PTPN11: variants seen among roughly 807,000 people sequenced by gnomAD.
The protein encoded by PTPN11 is tyrosine-protein phosphatase non-receptor type 11.
In PTPN11, 6 loss-of-function variants were observed where a neutral mutation model predicts 78.8. That is an observed-to-expected ratio of 0.08 (90% CI 0.04 to 0.15). The LOEUF (loss-of-function observed/expected upper bound fraction) is 0.15. Ranked by LOEUF, PTPN11 falls within the 10% of genes least tolerant of loss-of-function variation. The pLI is 1.00. For missense variants in PTPN11, 386 were observed against 744.8 expected, an observed-to-expected ratio of 0.52 and a Z score of 5.61; for synonymous variants, 221 against 263.5, an observed-to-expected ratio of 0.84 and a Z score of 1.56.
chr12:112,461,352 T>C (rs960910151), intron 6 of PTPN11, among the ~76,000 whole-genome samples: 2 of 151,350 alleles, frequency 1.3e-5, no homozygotes, highest in African/African-American at 4.9e-5. Flanking sequence ...TTTTTTTTTT[T>C]GAGGTAGGTC....
intron 6 of PTPN11, among the ~76,000 whole-genome samples, chr12:112,458,775 G>A (rs2038202521): frequency 6.6e-6 from 1 of 152,194 alleles, no homozygotes; most frequent in African/African-American, 2.4e-5. Context: ...GGCTACTCCT[G>A]TAATCTCAGC....
chr12:112,454,398 G>T (rs2038122521), intron 4 of PTPN11, among the ~76,000 whole-genome samples, 166 bp from the exon 5 acceptor site: 1 of 152,178 alleles, frequency 6.6e-6, no homozygotes, highest in African/African-American at 2.4e-5. Context: ...GGAATTACTG[G>T]CGTGAGCCAC....
At chr12:112,490,304 CTTTTTTTT>C (rs1258631865) in intron 13 of PTPN11, among the ~76,000 whole-genome samples, 4 of 128,722 alleles carry the variant, frequency 3.1e-5, no homozygotes, top group South Asian at 5.3e-4. Flanking sequence ...TCAGGGATGT[CTTTTTTTT>C]TTTTTTTTTT....
chr12:112,502,330 AC>A, intron 14 of PTPN11, 74 bp downstream of exon 14: 1 of 1,244,436 alleles, frequency 8.0e-7, no homozygotes, highest in Non-Finnish European at 1.2e-6. Flanking sequence ...AAAAACAAAA[AC>A]AAAACACAAG....
intron 9 of PTPN11, among the ~76,000 whole-genome samples, chr12:112,480,294 G>A (rs2038575737): frequency 6.6e-6 from 1 of 151,954 alleles, no homozygotes; most frequent in Non-Finnish European, 1.5e-5. Flanking sequence ...ATCTGTCAGA[G>A]GTGTTTGGAT....
rs190776554 is a variant in PTPN11 at position 112,477,976 on chromosome 12, A to G, written c.1053A>G (p.Arg351=). ...GGATGGTGTTCCAAGAAAACTCCCGAGTGATTGTCATGACAACGAAAGAAG... is the reference window on the plus strand; with the variant it reads ...GGATGGTGTTCCAAGAAAACTCCCGGGTGATTGTCATGACAACGAAAGAAG... ...FWRMVFQENS[R]VIVMTTKEVE... The change falls in exon 9 of 16, where the codon CGA becomes CGG. Residue 351 remains arginine (R), a synonymous_variant. Transcript: ENST00000351677. The G allele has an allele frequency of 6.2e-7, 1 of 1,614,186 alleles. No individual in the cohort carries two copies. Among genetic ancestry groups the G allele is most frequent in the Middle Eastern group, 1.7e-4 (1 of 6,058 alleles).
At chr12:112,463,656 T>G (rs539256919) in intron 6 of PTPN11, among the ~76,000 whole-genome samples, 1 of 152,310 alleles carries the variant, frequency 6.6e-6, no homozygotes, top group African/African-American at 2.4e-5. Flanking sequence ...TTATACATTA[T>G]TAACAACAAA....
At chr12:112,476,741 C>T (rs2038510740) in intron 7 of PTPN11, among the ~76,000 whole-genome samples, 1 of 152,144 alleles carries the variant, frequency 6.6e-6, no homozygotes, top group Admixed American at 6.6e-5. Flanking sequence ...TGCACTCCAA[C>T]CTGGGTGACA....
At chr12:112,454,884 A>C (rs2038132470) in intron 5 of PTPN11, 1 of 606,280 alleles carries the variant, frequency 1.6e-6, no homozygotes. Context: ...CAGTGTTGCA[A>C]TCTTGGCTCA....
chr12:112,473,087 G>A (rs1283717757), intron 7 of PTPN11, 47 bp downstream of exon 7: 11 of 1,441,894 alleles, frequency 7.6e-6, no homozygotes, highest in Non-Finnish European at 1.1e-5. Context: ...TGGAGATTTT[G>A]ATTCCTAGCA....
Position 112,418,999 on chromosome 12 carries a change from C to T in PTPN11, c.-113C>T. On this transcript the variant is annotated 5_prime_UTR_variant, in exon 1 of 16. Coordinates refer to ENST00000351677, the MANE Select transcript of PTPN11 (RefSeq NM_002834.5). ...GGGGTCTGTGCGCGGCCGGCTGGCT[C>T]TGCCCCGCGTCCGGTCCCGAGCGGG... The T allele has an allele frequency of 7.2e-7, 1 of 1,394,162 alleles. No individual in the cohort carries two copies. Among genetic ancestry groups the T allele is most frequent in the South Asian group, 1.2e-5 (1 of 80,060 alleles). The allele number at this position is 1,394,162 out of a possible 1,614,324, so 86.4% of individuals were successfully genotyped here. A position where few individuals can be genotyped will look rare whatever the true frequency, so the allele number is the denominator to read the frequency against.
intron 6 of PTPN11, among the ~76,000 whole-genome samples, chr12:112,462,204 T>C (rs1425432017): frequency 6.6e-6 from 1 of 151,972 alleles, no homozygotes; most frequent in Admixed American, 6.6e-5. Context: ...CAAAAGAAAA[T>C]TAAAAATTAA....
At chr12:112,456,201 G>C (rs1296751693) in intron 6 of PTPN11, 138 bp downstream of exon 6, 3 of 699,150 alleles carry the variant, frequency 4.3e-6, no homozygotes, top group Middle Eastern at 5.1e-4. Flanking sequence ...TGATTGACAC[G>C]GAGCAAGTTG....
At chr12:112,470,343 G>A (rs776924012) in intron 6 of PTPN11, among the ~76,000 whole-genome samples, 7 of 152,164 alleles carry the variant, frequency 4.6e-5, no homozygotes, top group Admixed American at 1.3e-4. Flanking sequence ...TGTATGTCAC[G>A]CACTGTATAG....
intron 13 of PTPN11, among the ~76,000 whole-genome samples, chr12:112,499,634 C>G (rs900380024): frequency 6.6e-6 from 1 of 151,912 alleles, no homozygotes; most frequent in Non-Finnish European, 1.5e-5. Context: ...CCACAGTGCC[C>G]GGCGGGATAA....
At chr12:112,423,925 A>G (rs922511522) in intron 1 of PTPN11, among the ~76,000 whole-genome samples, 4 of 149,908 alleles carry the variant, frequency 2.7e-5, no homozygotes, top group South Asian at 2.1e-4. Context: ...CAATTTTTCT[A>G]TTTTTTTGTA....
At chr12:112,475,410 T>TATTG (rs879620825) in intron 7 of PTPN11, among the ~76,000 whole-genome samples, 26 of 152,120 alleles carry the variant, frequency 1.7e-4, no homozygotes, top group Admixed American at 7.2e-4. Context: ...CATAATGTTT[T>TATTG]ATTGATTGAT....
At position 112,482,341 on chromosome 12, in the gene PTPN11, C is replaced by T; in HGVS notation, c.1224+136C>T. 9.7e-7 allele frequency: 1 copy of T among 1,029,094 alleles called. No homozygotes were observed. Among genetic ancestry groups the T allele is most frequent in the Non-Finnish European group, 1.5e-6 (1 of 674,686 alleles). 63.7% of individuals were successfully genotyped at this position (1,029,094 alleles called of 1,614,324 possible). On this transcript the variant is annotated intron_variant, in intron 10 of 15. Coordinates refer to ENST00000351677, the MANE Select transcript of PTPN11 (RefSeq NM_002834.5). This position sits in a 1 kb window ranked among gnomAD's most constrained non-coding sequence, Gnocchi z 4.4. ...TGATTCAGTAGCCATTTATTAGCTT[C>T]CTTCTATGTGCCAGGTACAGTTTAA...
At chr12:112,447,660 C>T (rs1215930404) in intron 2 of PTPN11, among the ~76,000 whole-genome samples, 1 of 151,178 alleles carries the variant, frequency 6.6e-6, no homozygotes, top group East Asian at 1.9e-4. Flanking sequence ...CCACCATGCC[C>T]AGCTAATTTT....
Sources: allele counts gnomAD v4.1 joint callset (sites outside exome capture counted in the v4.1 genomes callset), GRCh38; gene constraint gnomAD v4.1.1; non-coding constraint Gnocchi (gnomAD v3.1); transcripts MANE v1.5; gene names NCBI Gene and HGNC (gene_info 2026-07-23, HGNC 2026-07-21).